The following DCHS2 variants were observed in gnomAD, a reference collection of about 807,000 sequenced individuals.
The protein encoded by DCHS2 is dachsous cadherin-related 2.
DCHS2 carries 142 observed loss-of-function variants against 182.4 expected under a neutral mutation model. The observed-to-expected ratio is 0.78, with a 90% CI of 0.68 to 0.89. The LOEUF (loss-of-function observed/expected upper bound fraction) is 0.89. Ranked by LOEUF, DCHS2 falls within the 40% of genes least tolerant of loss-of-function variation. The pLI is 0.00. For synonymous variants in DCHS2, 1,740 were observed against 1,663.3 expected, an observed-to-expected ratio of 1.05 and a Z score of -1.12; for missense variants, 4,319 against 4,198.6, an observed-to-expected ratio of 1.03 and a Z score of -0.79.
At chr4:154,268,423 A>G (rs1039739687) in intron 14 of DCHS2, among the ~76,000 whole-genome samples, 1 of 152,244 alleles carries the variant, frequency 6.6e-6, no homozygotes, top group East Asian at 1.9e-4. Context: ...GAGCATGTAC[A>G]GTGTGGAGAC....
At chr4:154,390,866 A>T (rs967896923) in intron 1 of DCHS2, among the ~76,000 whole-genome samples, 6 of 152,242 alleles carry the variant, frequency 3.9e-5, no homozygotes, top group Admixed American at 3.3e-4. Context: ...TTTTCATAGT[A>T]TTCTTACAGG....
intron 1 of DCHS2, among the ~76,000 whole-genome samples, chr4:154,451,515 T>C (rs1265031246): frequency 6.6e-6 from 1 of 152,158 alleles, no homozygotes; most frequent in Non-Finnish European, 1.5e-5. Context: ...CAAATCCCCA[T>C]GGACCTGACT....
At chr4:154,417,542 T>A (rs1045442345) in intron 1 of DCHS2, among the ~76,000 whole-genome samples, 2 of 152,236 alleles carry the variant, frequency 1.3e-5, no homozygotes, top group Non-Finnish European at 2.9e-5. Context: ...AGTAGTGGAC[T>A]GGTTAATCTG....
chr4:154,312,118 C>T (rs1186133012), intron 10 of DCHS2, among the ~76,000 whole-genome samples: 1 of 152,144 alleles, frequency 6.6e-6, no homozygotes, highest in Non-Finnish European at 1.5e-5. Flanking sequence ...AATTAGCATG[C>T]TGTTGTGACT....
chr4:154,388,730 G>A (rs574175343), intron 1 of DCHS2, among the ~76,000 whole-genome samples: 51 of 152,072 alleles, frequency 3.4e-4, no homozygotes, highest in Non-Finnish European at 3.7e-4. Flanking sequence ...TCCTGACCTC[G>A]TGATCCACCC....
At chr4:154,357,251 TA>T (rs765248548) in intron 3 of DCHS2, 2 of 1,613,428 alleles carry the variant, frequency 1.2e-6, no homozygotes, top group East Asian at 2.2e-5. Flanking sequence ...AAAACATCTC[TA>T]AACTGTTCAT....
intron 1 of DCHS2, among the ~76,000 whole-genome samples, chr4:154,413,203 C>A (rs957851581): frequency 2.5e-4 from 38 of 152,176 alleles, no homozygotes; most frequent in African/African-American, 7.2e-4. Context: ...ATGCTTCCTT[C>A]TTCCTTTCCA....
At chr4:154,396,297 G>C (rs1731926573) in intron 1 of DCHS2, among the ~76,000 whole-genome samples, 1 of 151,998 alleles carries the variant, frequency 6.6e-6, no homozygotes, top group South Asian at 2.1e-4. Flanking sequence ...ATGGAAGGAA[G>C]GGTGGGGGAA....
chr4:154,375,398 T>C (rs1422100839), intron 2 of DCHS2, among the ~76,000 whole-genome samples: 1 of 151,994 alleles, frequency 6.6e-6, no homozygotes, highest in African/African-American at 2.4e-5. Flanking sequence ...AGCCACGGAA[T>C]GGGAGAAAAA....
intron 10 of DCHS2, among the ~76,000 whole-genome samples, chr4:154,308,119 C>A (rs976137368): frequency 1.5e-4 from 23 of 152,024 alleles, no homozygotes; most frequent in African/African-American, 5.3e-4. Context: ...CAGTCTGCAG[C>A]TAGCTTCAAA....
chr4:154,433,702 T>A lies in DCHS2; in HGVS notation c.2052+55602A>T, dbSNP rs140794984. ...AATCACTGCGCCAGGCCAGTACCCG[T>A]TGTTTTAAGCCACTCAGTTTGTGAT... On this transcript the variant is annotated intron_variant, in intron 1 of 19. Transcript: ENST00000357232. Among the ~76,000 whole-genome samples, 548 of 152,210 alleles carry A rather than the reference T, an allele frequency of 3.6e-3. 2 individuals carry two copies. Among genetic ancestry groups the A allele is most frequent in the Middle Eastern group, 0.02 (6 of 294 alleles).
At chr4:154,440,583 A>AT (rs984411393) in intron 1 of DCHS2, among the ~76,000 whole-genome samples, 113 of 151,802 alleles carry the variant, frequency 7.4e-4, no homozygotes, top group African/African-American at 2.3e-3. Context: ...CATTGTCATA[A>AT]TTTTTTTTTA....
At chr4:154,461,458 A>G (rs1326518502) in intron 1 of DCHS2, among the ~76,000 whole-genome samples, 2 of 152,190 alleles carry the variant, frequency 1.3e-5, no homozygotes, top group East Asian at 1.9e-4. Flanking sequence ...GGAAATTTAT[A>G]TTTATCTACC....
intron 1 of DCHS2, among the ~76,000 whole-genome samples, chr4:154,390,581 T>C (rs75911759): frequency 0.013 from 1,966 of 152,022 alleles, 36 homozygotes; most frequent in African/African-American, 0.045. Flanking sequence ...CATTTCCAGA[T>C]ACTCCTGAAA....
intron 1 of DCHS2, among the ~76,000 whole-genome samples, chr4:154,483,828 G>A (rs748710990): frequency 1.3e-5 from 2 of 152,034 alleles, no homozygotes; most frequent in Non-Finnish European, 2.9e-5. Context: ...CAAGACCCTC[G>A]TCTCAGCCAG....
intron 9 of DCHS2, among the ~76,000 whole-genome samples, chr4:154,317,333 T>C (rs1220226494): frequency 6.6e-6 from 1 of 152,234 alleles, no homozygotes; most frequent in Non-Finnish European, 1.5e-5. Context: ...CAAGTATTAC[T>C]GAAACAGGTC....
chr4:154,442,545 AC>A (rs1734082935), intron 1 of DCHS2, among the ~76,000 whole-genome samples: 1 of 46,974 alleles, frequency 2.1e-5, no homozygotes, highest in East Asian at 1.1e-3. Context: ...CCCCCCCCAC[AC>A]ACACACACAC....
chr4:154,463,692 T>TTCTCTCTCTCTC (rs5863102), intron 1 of DCHS2, among the ~76,000 whole-genome samples: 2 of 145,266 alleles, frequency 1.4e-5, no homozygotes, highest in Admixed American at 6.9e-5. Flanking sequence ...ATTCTCTCTT[T>TTCTCTCTCTCTC]TCTCTCTCTC....
At chr4:154,433,790 G>A (rs1466376181) in intron 1 of DCHS2, among the ~76,000 whole-genome samples, 2 of 152,152 alleles carry the variant, frequency 1.3e-5, no homozygotes, top group Admixed American at 6.5e-5. Context: ...CAGTGGCCTC[G>A]CTGCTCTCAC....
Sources: allele counts gnomAD v4.1 joint callset (sites outside exome capture counted in the v4.1 genomes callset), GRCh38; gene constraint gnomAD v4.1.1; transcripts MANE v1.5; gene names NCBI Gene and HGNC (gene_info 2026-07-23, HGNC 2026-07-21).